DRC11: variants seen among roughly 807,000 people sequenced by gnomAD.
DRC11 encodes the protein IQ and AAA domain-containing protein 1.
chr2:236,435,189 A>C, the DRC11 span, among the ~76,000 whole-genome samples: 1 of 152,236 alleles, frequency 6.6e-6, no homozygotes, highest in Admixed American at 6.5e-5. Flanking sequence ...CCCGAGCTAA[A>C]GCCTGTATTT....
the DRC11 span, among the ~76,000 whole-genome samples, chr2:236,313,484 A>G: frequency 6.6e-6 from 1 of 152,204 alleles, no homozygotes; most frequent in South Asian, 2.1e-4. The surrounding 1 kb of genome is among the most constrained non-coding windows in gnomAD (Gnocchi z 4.5). Context: ...ACCATTACGG[A>G]AGATGGTTTG....
chr2:236,307,377 G>A, the DRC11 span, among the ~76,000 whole-genome samples: 24 of 152,202 alleles, frequency 1.6e-4, no homozygotes, highest in Admixed American at 3.9e-4. The surrounding 1 kb of genome is among the most constrained non-coding windows in gnomAD (Gnocchi z 7.0). Flanking sequence ...GGGAGGCTGT[G>A]AGGAGGGAGA....
chr2:236,474,517 T>C, the DRC11 span, among the ~76,000 whole-genome samples: 3 of 152,300 alleles, frequency 2.0e-5, no homozygotes, highest in South Asian at 6.2e-4. Context: ...AAAATGGAAC[T>C]CTAATTAAAT....
At chr2:236,427,164 C>G in the DRC11 span, among the ~76,000 whole-genome samples, 1 of 151,996 alleles carries the variant, frequency 6.6e-6, no homozygotes, top group East Asian at 1.9e-4. The surrounding 1 kb of genome is among the most constrained non-coding windows in gnomAD (Gnocchi z 5.9). Flanking sequence ...TTAATGTGCT[C>G]TTGAATTTGG....
the DRC11 span, among the ~76,000 whole-genome samples, chr2:236,359,964 C>T: frequency 4.6e-5 from 7 of 152,114 alleles, no homozygotes; most frequent in East Asian, 1.4e-3. This position sits in a 1 kb window ranked among gnomAD's most constrained non-coding sequence, Gnocchi z 4.3. Context: ...TTTTTGACAC[C>T]CAGCATTTTG....
chr2:236,354,520 T>C, the DRC11 span, among the ~76,000 whole-genome samples: 9 of 152,138 alleles, frequency 5.9e-5, no homozygotes, highest in East Asian at 1.9e-4. Flanking sequence ...CACCACACTA[T>C]GGCCAATGAA....
At chr2:236,331,714 T>C in the DRC11 span, 1 of 734,086 alleles carries the variant, frequency 1.4e-6, no homozygotes, top group East Asian at 2.7e-5. The surrounding 1 kb of genome is among the most constrained non-coding windows in gnomAD (Gnocchi z 4.8). Flanking sequence ...AAGTCTACTC[T>C]AGCTTATTTG....
At chr2:236,318,144 C>T in the DRC11 span, among the ~76,000 whole-genome samples, 7 of 126,018 alleles carry the variant, frequency 5.6e-5, no homozygotes, top group Non-Finnish European at 8.2e-5. This position sits in a 1 kb window ranked among gnomAD's most constrained non-coding sequence, Gnocchi z 7.0. Flanking sequence ...CCTCCTTGGG[C>T]CCAAGGTGCA....
the DRC11 span, among the ~76,000 whole-genome samples, chr2:236,476,825 G>A: frequency 2.6e-5 from 4 of 151,942 alleles, no homozygotes; most frequent in Admixed American, 1.3e-4. This position sits in a 1 kb window ranked among gnomAD's most constrained non-coding sequence, Gnocchi z 4.7. Context: ...ATGGTGGTTT[G>A]CTGCACCTAT....
chr2:236,497,208 C>T, the DRC11 span: 4 of 1,612,966 alleles, frequency 2.5e-6, no homozygotes, highest in Non-Finnish European at 2.5e-6. This position sits in a 1 kb window ranked among gnomAD's most constrained non-coding sequence, Gnocchi z 5.1. Flanking sequence ...AATAATGGAA[C>T]TCCGTGAGTT....
chr2:236,397,687 T>G, the DRC11 span, among the ~76,000 whole-genome samples: 1 of 152,200 alleles, frequency 6.6e-6, no homozygotes, highest in African/African-American at 2.4e-5. This position sits in a 1 kb window ranked among gnomAD's most constrained non-coding sequence, Gnocchi z 5.0. Context: ...GAGTCTTAGA[T>G]GGGATGTTGT....
the DRC11 span, chr2:236,346,562 G>A: frequency 6.0e-6 from 1 of 167,722 alleles, no homozygotes; most frequent in African/African-American, 2.4e-5. Flanking sequence ...CGAGCGTGAG[G>A]GGCCAGCCCT....
At chr2:236,353,262 A>T in the DRC11 span, among the ~76,000 whole-genome samples, 3 of 152,230 alleles carry the variant, frequency 2.0e-5, no homozygotes, top group Non-Finnish European at 4.4e-5. The surrounding 1 kb of genome is among the most constrained non-coding windows in gnomAD (Gnocchi z 5.0). Flanking sequence ...CTACTATCAA[A>T]TATCACTAGA....
At chr2:236,327,768 C>T in the DRC11 span, among the ~76,000 whole-genome samples, 4 of 151,956 alleles carry the variant, frequency 2.6e-5, no homozygotes, top group Non-Finnish European at 4.4e-5. Flanking sequence ...CTGCAACCTC[C>T]GCCTCCTGGG....
chr2:236,341,595 G>T, the DRC11 span, among the ~76,000 whole-genome samples: 2 of 152,216 alleles, frequency 1.3e-5, no homozygotes, highest in Non-Finnish European at 2.9e-5. Context: ...AGACAAGAGG[G>T]CCCCAAAGGC....
the DRC11 span, among the ~76,000 whole-genome samples, chr2:236,347,664 G>A: frequency 3.3e-5 from 5 of 151,826 alleles, no homozygotes; most frequent in Non-Finnish European, 4.4e-5. Flanking sequence ...ACTAGGACGC[G>A]AAGGCATAAG....
the DRC11 span, among the ~76,000 whole-genome samples, chr2:236,383,626 T>C: frequency 6.6e-6 from 1 of 151,756 alleles, no homozygotes; most frequent in Non-Finnish European, 1.5e-5. Flanking sequence ...TGGTATGTTG[T>C]GTGGTCATTT....
chr2:236,401,593 A>G, the DRC11 span, among the ~76,000 whole-genome samples: 1 of 152,250 alleles, frequency 6.6e-6, no homozygotes, highest in Non-Finnish European at 1.5e-5. This position sits in a 1 kb window ranked among gnomAD's most constrained non-coding sequence, Gnocchi z 4.6. Context: ...TCACCCACAG[A>G]AAGGAGCGAA....
chr2:236,368,183 C>T, the DRC11 span: 73 of 1,545,432 alleles, frequency 4.7e-5, no homozygotes, highest in African/African-American at 4.2e-4. Context: ...CCGCGCACGC[C>T]GAGTCTTTAC....
Sources: gnomAD v4.1 joint callset for allele counts (sites outside exome capture counted in the v4.1 genomes callset) on GRCh38, gnomAD v4.1.1 for gene constraint, Gnocchi (gnomAD v3.1) non-coding constraint, MANE v1.5 for transcripts, NCBI Gene and HGNC (gene_info 2026-07-23, HGNC 2026-07-21) for gene names.